The following DMD variants were observed in gnomAD, a reference collection of about 807,000 sequenced individuals.
DMD encodes the protein dystrophin.
In DMD, 63 loss-of-function variants were observed where a neutral mutation model predicts 330.1. The observed-to-expected ratio is 0.19, with a 90% CI of 0.16 to 0.24. The LOEUF is 0.24. Ranked by LOEUF, DMD falls within the 10% of genes least tolerant of loss-of-function variation. DMD has a pLI of 1.00. For missense variants in DMD, 3,344 were observed against 2,684.1 expected (o/e 1.25, Z -5.43); for synonymous variants, 1,223 against 959.8 (o/e 1.27, Z -5.07).
intron 1 of DMD, among the ~76,000 whole-genome samples, chrX:33,240,898 A>T (rs2148889920): frequency 9.0e-6 from 1 of 111,610 alleles, no homozygotes; most frequent in Admixed American, 9.5e-5. Context: ...CTCATTTTTA[A>T]TTGGGTTATT....
rs562079774 is a variant in DMD at position 32,826,114 on chromosome X, T to A, written c.265-2727A>T. Among the ~76,000 whole-genome samples the A allele has an allele frequency of 1.1e-4, 12 of 111,713 alleles. No individual in the cohort carries two copies. In the South Asian group the frequency reaches 4.1e-3, roughly 38 times the overall value. On this transcript the variant is annotated intron_variant, in intron 4 of 78. Coordinates refer to ENST00000357033, the MANE Select transcript of DMD (RefSeq NM_004006.3). ...AAATAATGTTGAACATCACTAATCA[T>A]CAGAGAAATGCAAATTAAAACTACA...
At chrX:32,449,287 T>G (rs924814192) in intron 26 of DMD, among the ~76,000 whole-genome samples, 1 of 110,809 alleles carries the variant, frequency 9.0e-6, no homozygotes, top group African/African-American at 3.3e-5. Flanking sequence ...AAAAGGCCAC[T>G]TTGTTTCCAT....
chrX:32,705,594 G>A (rs752123775), intron 7 of DMD, among the ~76,000 whole-genome samples: 2 of 111,397 alleles, frequency 1.8e-5, no homozygotes, highest in South Asian at 3.8e-4. Context: ...CAGGTGCATC[G>A]CCTGAGGTTA....
intron 7 of DMD, among the ~76,000 whole-genome samples, chrX:32,758,051 G>A (rs2071739500): frequency 8.9e-6 from 1 of 111,785 alleles, no homozygotes; most frequent in African/African-American, 3.3e-5. Flanking sequence ...GCAAGGTTGA[G>A]GTACAGTTAC....
At chrX:32,452,682 G>A (rs908234289) in intron 26 of DMD, among the ~76,000 whole-genome samples, 1 of 110,692 alleles carries the variant, frequency 9.0e-6, no homozygotes, top group Admixed American at 9.6e-5. Flanking sequence ...GTACCTTCTA[G>A]CTCTCACATT....
chrX:32,926,102 T>C (rs1472422994), intron 2 of DMD, among the ~76,000 whole-genome samples: 1 of 112,338 alleles, frequency 8.9e-6, no homozygotes, highest in African/African-American at 3.2e-5. Flanking sequence ...ACACACACAA[T>C]GGAATATAAT....
chrX:32,786,112 T>A (rs2148593190), intron 7 of DMD, among the ~76,000 whole-genome samples: 1 of 109,667 alleles, frequency 9.1e-6, no homozygotes, highest in South Asian at 3.8e-4. Flanking sequence ...TGTGTGTGTG[T>A]GTGTGTGTGT....
intron 56 of DMD, among the ~76,000 whole-genome samples, chrX:31,504,890 A>G (rs899351467): frequency 8.9e-6 from 1 of 112,327 alleles, no homozygotes; most frequent in Non-Finnish European, 1.9e-5. Flanking sequence ...AAATTCTAGA[A>G]TTGGCAGCAC....
chrX:32,301,789 G>A (rs2097524664), intron 42 of DMD, among the ~76,000 whole-genome samples: 1 of 111,000 alleles, frequency 9.0e-6, no homozygotes, highest in African/African-American at 3.3e-5. Context: ...TCATGGTTCT[G>A]AACTCACAAT....
At chrX:31,166,666 A>G (rs1008963137) in intron 74 of DMD, among the ~76,000 whole-genome samples, 2 of 111,338 alleles carry the variant, frequency 1.8e-5, no homozygotes, top group African/African-American at 3.3e-5. Flanking sequence ...AGGGTAGCGA[A>G]GGCAAATCTA....
chrX:31,968,639 G>C, intron 44 of DMD, 125 bp from the exon 45 acceptor site: 1 of 758,610 alleles, frequency 1.3e-6, no homozygotes, highest in Admixed American at 2.8e-5. Flanking sequence ...AGCTCCATGT[G>C]AAAATTTCCC....
At position 32,536,264 on chromosome X, in the gene DMD, C is replaced by CAAAAAAAAAA. The variant is rs1191335690; in HGVS notation, c.2168+8885_2168+8894dup. ...TGGCAACAGAGTGAGACTCCGTCTC[C>CAAAAAAAAAA]AAAAAAAAAAAAAAAAAAAAAAAAC... On this transcript the variant is annotated intron_variant, in intron 17 of 78. Coordinates refer to ENST00000357033, the MANE Select transcript of DMD (RefSeq NM_004006.3). 1.2e-3 allele frequency among the ~76,000 whole-genome samples: 44 copies of CAAAAAAAAAA among 36,351 alleles called. 6 individuals carry two copies. Among genetic ancestry groups the CAAAAAAAAAA allele is most frequent in the African/African-American group, 5.1e-3 (43 of 8,383 alleles). 31.6% of individuals were successfully genotyped at this position (36,351 alleles called of 115,157 possible). A position where few individuals can be genotyped will look rare whatever the true frequency, so the allele number is the denominator to read the frequency against.
chrX:32,147,092 C>A (rs1343122093), intron 44 of DMD, among the ~76,000 whole-genome samples: 1 of 111,778 alleles, frequency 8.9e-6, no homozygotes, highest in Non-Finnish European at 1.9e-5. Context: ...TTTCTTAACT[C>A]ACTAGCATAC....
intron 54 of DMD, among the ~76,000 whole-genome samples, chrX:31,638,327 T>C (rs781128751): frequency 9.0e-6 from 1 of 111,538 alleles, no homozygotes; most frequent in Non-Finnish European, 1.9e-5. Context: ...CTCCCTGCTT[T>C]TTATCACCCA....
At chrX:32,607,176 A>G (rs902835856) in intron 12 of DMD, among the ~76,000 whole-genome samples, 1 of 110,615 alleles carries the variant, frequency 9.0e-6, no homozygotes, top group Non-Finnish European at 1.9e-5. Flanking sequence ...TACTAGAGTT[A>G]AATGAGACAA....
intron 60 of DMD, among the ~76,000 whole-genome samples, chrX:31,414,519 T>C (rs149010686): frequency 8.9e-6 from 1 of 111,937 alleles, no homozygotes; most frequent in African/African-American, 3.3e-5. Flanking sequence ...ACTATCCCAC[T>C]ACATGTTCAA....
At chrX:31,454,927 T>C (rs940850959) in intron 59 of DMD, among the ~76,000 whole-genome samples, 5 of 104,799 alleles carry the variant, frequency 4.8e-5, no homozygotes, top group Non-Finnish European at 7.8e-5. Context: ...TATATATATA[T>C]TTTTAAGTTA....
intron 2 of DMD, among the ~76,000 whole-genome samples, chrX:32,864,856 A>C (rs2082360167): frequency 8.9e-6 from 1 of 112,286 alleles, no homozygotes; most frequent in Non-Finnish European, 1.9e-5. Context: ...TATAAGAAAT[A>C]TAATCCTTGA....
chrX:32,042,190 T>TACACACAC (rs201543879), intron 44 of DMD, among the ~76,000 whole-genome samples: 2 of 82,945 alleles, frequency 2.4e-5, no homozygotes, highest in African/African-American at 9.1e-5. Context: ...TACATACATA[T>TACACACAC]ACACACACAC....
Sources: gnomAD v4.1 joint callset for allele counts (sites outside exome capture counted in the v4.1 genomes callset) on GRCh38, gnomAD v4.1.1 for gene constraint, MANE v1.5 for transcripts, NCBI Gene and HGNC (gene_info 2026-07-23, HGNC 2026-07-21) for gene names.